Variants in SLC35A1 observed in about 807,000 individuals in gnomAD.
SLC35A1 encodes CMP-sialic acid transporter.
SLC35A1 carries 21 observed loss-of-function variants against 40.3 expected under a neutral mutation model. The ratio of observed to expected loss-of-function variants is 0.52; its 90% CI spans 0.37 to 0.75. The LOEUF is 0.75. Among genes scored for constraint, SLC35A1 ranks in the 30% least tolerant of loss-of-function variants. The probability of loss-of-function intolerance (pLI) is 0.00; values close to 1 mark genes in which losing one functional copy is unlikely to be tolerated. For missense variants in SLC35A1, 297 were observed against 382.1 expected (o/e 0.78, Z 1.86); for synonymous variants, 146 against 147.3 (o/e 0.99, Z 0.06).
chr6:87,502,608 A>G (rs539086983), intron 4 of SLC35A1, among the ~76,000 whole-genome samples: 29 of 152,220 alleles, frequency 1.9e-4, no homozygotes, highest in African/African-American at 6.5e-4. Flanking sequence ...CTAAACATAG[A>G]AAAGGCACAA....
intron 2 of SLC35A1, among the ~76,000 whole-genome samples, chr6:87,484,862 G>A (rs868149872): frequency 6.6e-6 from 1 of 152,182 alleles, no homozygotes; most frequent in Non-Finnish European, 1.5e-5. Flanking sequence ...TTTAGAACTC[G>A]TATCTAACAG....
chr6:87,501,147 C>CT lies in SLC35A1; in HGVS notation c.355-3dup, dbSNP rs756360320. On this transcript the variant is annotated splice_polypyrimidine_tract_variant and intron_variant, in intron 3 of 7. Transcript: ENST00000369552. ...TTAACTGAATTTATTAATTCATTCTCTTTTTTTTAGGTGACCTACCAGTTG... is the reference window on the plus strand; with the variant it reads ...TTAACTGAATTTATTAATTCATTCTCTTTTTTTTTAGGTGACCTACCAGTTG... 57 of 1,599,872 alleles carry CT rather than the reference C, an allele frequency of 3.6e-5. No individual in the cohort carries two copies. The highest frequency in any genetic ancestry group is 1.7e-4 in the Middle Eastern group (1 of 6,026).
At chr6:87,493,642 A>G (rs1197924249) in intron 2 of SLC35A1, among the ~76,000 whole-genome samples, 1 of 152,224 alleles carries the variant, frequency 6.6e-6, no homozygotes. Context: ...CAATCCTAGA[A>G]TAGATAAGGA....
At chr6:87,499,700 C>T (rs1435128817) in intron 2 of SLC35A1, among the ~76,000 whole-genome samples, 1 of 152,076 alleles carries the variant, frequency 6.6e-6, no homozygotes, top group Non-Finnish European at 1.5e-5. Flanking sequence ...GATTTATTAT[C>T]TACTATATTT....
intron 1 of SLC35A1, among the ~76,000 whole-genome samples, chr6:87,473,785 C>T (rs1017692858): frequency 6.6e-6 from 1 of 152,224 alleles, no homozygotes; most frequent in African/African-American, 2.4e-5. Flanking sequence ...GAGGTGGATT[C>T]TTTGACTGTG....
At chr6:87,500,770 TGGAGTCTCGCTC>T in intron 3 of SLC35A1, 103 bp downstream of exon 3, 1 of 1,089,474 alleles carries the variant, frequency 9.2e-7, no homozygotes, top group Non-Finnish European at 1.3e-6. Context: ...TTTTTTGAGA[TGGAGTCTCGCTC>T]TTTCGTCTAG....
chr6:87,476,614 G>T (rs1769077747), intron 1 of SLC35A1, among the ~76,000 whole-genome samples: 1 of 150,990 alleles, frequency 6.6e-6, no homozygotes, highest in Non-Finnish European at 1.5e-5. Flanking sequence ...AATCCCAGCT[G>T]CTCAGGAGGC....
chr6:87,509,371 G>C (rs1383012571), intron 7 of SLC35A1, among the ~76,000 whole-genome samples, 196 bp downstream of exon 7: 4 of 152,122 alleles, frequency 2.6e-5, no homozygotes, highest in Non-Finnish European at 5.9e-5. Context: ...GGTTGTTTAG[G>C]TGGTCTTAGA....
At chr6:87,510,121 T>G (rs1416427542) in intron 7 of SLC35A1, among the ~76,000 whole-genome samples, 1 of 152,214 alleles carries the variant, frequency 6.6e-6, no homozygotes, top group Non-Finnish European at 1.5e-5. Flanking sequence ...TTTCTTCATC[T>G]GTAAAATGGG....
At position 87,490,965 on chromosome 6, in the gene SLC35A1, A is replaced by G. The variant is rs535713804; in HGVS notation, c.195-9543A>G. The stretch of plus-strand genomic sequence containing the variant: ...CCTTCAGTTATTCAGAATTGTTGCT[A>G]TTGAGAATGGCAGGCTGCCAGAGGG... On this transcript the variant is annotated intron_variant, in intron 2 of 7. Transcript: ENST00000369552. Among the ~76,000 whole-genome samples the G allele has an allele frequency of 2.6e-5, 4 of 152,320 alleles. No homozygotes were observed. The South Asian group carries it at 8.3e-4, about 32-fold the overall frequency.
chr6:87,481,716 T>A (rs1359971157), intron 2 of SLC35A1, among the ~76,000 whole-genome samples: 1 of 152,206 alleles, frequency 6.6e-6, no homozygotes, highest in Non-Finnish European at 1.5e-5. Flanking sequence ...CCATAGACTC[T>A]TTTTAACCTT....
At chr6:87,481,367 A>T (rs191394233) in intron 2 of SLC35A1, among the ~76,000 whole-genome samples, 4 of 151,668 alleles carry the variant, frequency 2.6e-5, no homozygotes, top group African/African-American at 9.7e-5. Flanking sequence ...TGGTGAGCCG[A>T]GATCGCGCCA....
Position 87,480,169 on chromosome 6 carries a change from C to T in SLC35A1, c.194+2630C>T, listed in dbSNP as rs1180303532. Among the ~76,000 whole-genome samples the T allele has an allele frequency of 2.6e-5, 4 of 152,296 alleles. No homozygotes were observed. In the South Asian group the frequency reaches 8.3e-4, roughly 32 times the overall value. ...GTCTCCAAGAAATGCCAAATTTTTC[C>T]CCGTGTCGTTAGAGACACGAGGTAA... On this transcript the variant is annotated intron_variant, in intron 2 of 7. Transcript: ENST00000369552.
intron 2 of SLC35A1, among the ~76,000 whole-genome samples, chr6:87,493,313 A>T (rs533749519): frequency 1.3e-5 from 2 of 152,032 alleles, no homozygotes. Flanking sequence ...AGGATCCTTT[A>T]TTCCTTTTTT....
intron 2 of SLC35A1, among the ~76,000 whole-genome samples, chr6:87,498,655 C>T (rs1172068132): frequency 3.3e-5 from 5 of 152,050 alleles, no homozygotes; most frequent in African/African-American, 9.7e-5. Context: ...CATGTAGTCC[C>T]AGCTACTCAG....
In SLC35A1 at chr6:87,511,606, C is replaced by A; in HGVS notation, c.*80C>A. ...GCCTTAAGTCAATCTCAGAAGGTAG[C>A]ATAAACAAATAAAAATTAACTGTAT... On this transcript the variant is annotated 3_prime_UTR_variant, in exon 8 of 8. Transcript: ENST00000369552. The A allele has an allele frequency of 6.8e-7, 1 of 1,467,660 alleles. No individual in the cohort carries two copies. Among genetic ancestry groups the A allele is most frequent in the Non-Finnish European group, 9.5e-7 (1 of 1,048,436 alleles). The allele number at this position is 1,467,660 out of a possible 1,614,324, so 90.9% of individuals were successfully genotyped here. A position where few individuals can be genotyped will look rare whatever the true frequency, so the allele number is the denominator to read the frequency against.
At chr6:87,482,163 G>A (rs147664364) in intron 2 of SLC35A1, among the ~76,000 whole-genome samples, 8 of 151,884 alleles carry the variant, frequency 5.3e-5, no homozygotes, top group Admixed American at 2.0e-4. Flanking sequence ...TGTAAACATC[G>A]CTTTCTTTAA....
chr6:87,511,932 G>A lies in SLC35A1; in HGVS notation c.*406G>A, dbSNP rs767843862. The A allele has an allele frequency of 6.8e-5, 17 of 250,118 alleles. No individual in the cohort carries two copies. The highest frequency in any genetic ancestry group is 1.1e-4 in the Non-Finnish European group (14 of 126,492). 15.5% of individuals were successfully genotyped at this position (250,118 alleles called of 1,614,324 possible). ...TCTCTTGTTCCGGTACCGGGGAGAA[G>A]GATGACCCCTCCTTATTCTCCAATT... is the stretch of plus-strand genomic sequence containing the variant. On this transcript the variant is annotated 3_prime_UTR_variant, in exon 8 of 8. Coordinates refer to ENST00000369552, the MANE Select transcript of SLC35A1 (RefSeq NM_006416.5).
intron 7 of SLC35A1, among the ~76,000 whole-genome samples, chr6:87,509,464 G>A (rs1434390558): frequency 6.6e-6 from 1 of 152,098 alleles, no homozygotes; most frequent in African/African-American, 2.4e-5. Flanking sequence ...TTTAGGTATT[G>A]TATATAGGAC....
Sources: allele counts gnomAD v4.1 joint callset (sites outside exome capture counted in the v4.1 genomes callset), GRCh38; gene constraint gnomAD v4.1.1; transcripts MANE v1.5; gene names NCBI Gene and HGNC (gene_info 2026-07-23, HGNC 2026-07-21).